Variants in WDR26 observed in about 807,000 individuals in gnomAD.
WDR26 encodes the protein WD repeat domain 26.
In WDR26, 5 loss-of-function variants were observed where a neutral mutation model predicts 84.1. That is an observed-to-expected ratio of 0.06 (90% confidence interval 0.03 to 0.13). The LOEUF (loss-of-function observed/expected upper bound fraction) is 0.13, where lower values mean the gene tolerates loss of function less well. Ranked by LOEUF, WDR26 falls within the 10% of genes least tolerant of loss-of-function variation. The pLI is 1.00. For synonymous variants in WDR26, 415 were observed against 389.6 expected (o/e 1.07, Z -0.77); for missense variants, 642 against 974.9 (o/e 0.66, Z 4.55).
At chr1:224,425,138 A>G (rs901300503) in intron 3 of WDR26, among the ~76,000 whole-genome samples, 1 of 152,248 alleles carries the variant, frequency 6.6e-6, no homozygotes, top group Non-Finnish European at 1.5e-5. Context: ...GAATAAGTAG[A>G]CCAGAAATCA....
Position 224,424,588 on chromosome 1 carries a change from C to T in WDR26, c.994G>A (p.Ala332Thr). ...AATTCACAGCGTAGAACTTGAAGTG[C>T]CTCCAGGACCTTGCCATCCTCCAGG... Residue 332 changes from alanine (A) to threonine (T), a missense_variant, in exon 4 of 14, where the codon GCA becomes ACA. Physicochemically the swap from Ala to Thr is moderately conservative, Grantham distance 58 (BLOSUM62 0). Transcript: ENST00000414423. 1 of 1,614,126 alleles carries T rather than the reference C, an allele frequency of 6.2e-7. No homozygotes were observed. Among genetic ancestry groups the T allele is most frequent in the South Asian group, 1.1e-5 (1 of 91,078 alleles).
intron 7 of WDR26, among the ~76,000 whole-genome samples, chr1:224,407,496 T>C (rs1294862470): frequency 1.3e-5 from 2 of 149,028 alleles, no homozygotes; most frequent in South Asian, 2.1e-4. Context: ...CATATATATA[T>C]ATATACATAT....
chr1:224,434,433 G>A lies in WDR26; in HGVS notation c.-28C>T, dbSNP rs1426680093. On this transcript the variant is annotated 5_prime_UTR_variant, in exon 1 of 14. Coordinates refer to ENST00000414423, the MANE Select transcript of WDR26 (RefSeq NM_001379403.1). ...TGGGAAGCCGGTGGGGCGAGGCGGG[G>A]GAGGGGAGGCGGGGGCCGGGGAGAG... 4.9e-6 allele frequency: 5 copies of A among 1,015,170 alleles called. No individual in the cohort carries two copies. The highest frequency in any genetic ancestry group is 5.9e-6 in the Non-Finnish European group (5 of 847,062). The allele number at this position is 1,015,170 out of a possible 1,614,324, so 62.9% of individuals were successfully genotyped here.
At chr1:224,401,702 G>GAAAAAAAAAA (rs5781368) in intron 8 of WDR26, among the ~76,000 whole-genome samples, 5 of 97,758 alleles carry the variant, frequency 5.1e-5, no homozygotes, top group African/African-American at 1.2e-4. Context: ...AAAAAAAAAA[G>GAAAAAAAAAA]AAAAAAGAAA....
rs1460182546 is a variant in WDR26 at position 224,401,709 on chromosome 1, G to GA, written c.1600-641dup. The stretch of plus-strand genomic sequence containing the variant: ...AAAAAAGAAAAAAAAAAAGAAAAAA[G>GA]AAAAAAAAAGAGAAAAACTATGCCC... On this transcript the variant is annotated intron_variant, in intron 8 of 13. Coordinates refer to ENST00000414423, the MANE Select transcript of WDR26 (RefSeq NM_001379403.1). Among the ~76,000 whole-genome samples the GA allele has an allele frequency of 1.3e-3, 127 of 95,038 alleles. 1 individual carries two copies. Among genetic ancestry groups the GA allele is most frequent in the Middle Eastern group, 0.012 (2 of 170 alleles). The allele number at this position is 95,038 out of a possible 152,430, so 62.3% of individuals were successfully genotyped here.
At chr1:224,403,985 TAAGTACTGAA>T (rs1162883123) in intron 8 of WDR26, among the ~76,000 whole-genome samples, 3 of 152,126 alleles carry the variant, frequency 2.0e-5, no homozygotes, top group Non-Finnish European at 4.4e-5. Flanking sequence ...CCCTTAGGAA[TAAGTACTGAA>T]AACATCAGTT....
chr1:224,398,397 T>G, intron 11 of WDR26, 118 bp downstream of exon 11: 5 of 1,207,950 alleles, frequency 4.1e-6, no homozygotes, highest in Non-Finnish European at 5.7e-6. Context: ...ATCAATCACA[T>G]GCAATCAAAT....
intron 8 of WDR26, among the ~76,000 whole-genome samples, chr1:224,401,695 AAAAAAAG>A (rs1673423344): frequency 1.2e-4 from 12 of 104,086 alleles, no homozygotes; most frequent in African/African-American, 1.9e-4. Context: ...AAAAAGAAAA[AAAAAAAG>A]AAAAAAGAAA....
intron 6 of WDR26, 103 bp from the exon 7 acceptor site, chr1:224,411,668 T>A: frequency 8.1e-7 from 1 of 1,239,496 alleles, no homozygotes; most frequent in Non-Finnish European, 1.1e-6. Flanking sequence ...ATCACATCAC[T>A]AACTTTAAAA....
intron 7 of WDR26, among the ~76,000 whole-genome samples, chr1:224,405,769 T>C (rs987148488): frequency 6.6e-6 from 1 of 152,234 alleles, no homozygotes; most frequent in African/African-American, 2.4e-5. Flanking sequence ...AGTGCAAATG[T>C]AGACGTGGCA....
At chr1:224,402,893 T>C (rs1278195344) in intron 8 of WDR26, among the ~76,000 whole-genome samples, 1 of 152,166 alleles carries the variant, frequency 6.6e-6, no homozygotes, top group Non-Finnish European at 1.5e-5. Flanking sequence ...TGATCATGAG[T>C]ACTAGATATT....
At chr1:224,426,664 T>C (rs571392643) in intron 3 of WDR26, among the ~76,000 whole-genome samples, 16 of 137,636 alleles carry the variant, frequency 1.2e-4, no homozygotes, top group African/African-American at 3.7e-4. Flanking sequence ...AACTAAACAA[T>C]GCAAAAAAAA....
chr1:224,399,524 A>T (rs1446831959), intron 9 of WDR26, among the ~76,000 whole-genome samples: 1 of 152,222 alleles, frequency 6.6e-6, no homozygotes, highest in Non-Finnish European at 1.5e-5. Context: ...TCTACAGATC[A>T]AAGCTCTTAT....
intron 6 of WDR26, 97 bp from the exon 7 acceptor site, chr1:224,411,662 C>A: frequency 1.6e-6 from 2 of 1,286,354 alleles, no homozygotes; most frequent in South Asian, 1.7e-5. Context: ...TTGAAGATCA[C>A]ATCACTAACT....
At chr1:224,401,589 A>AC (rs1297660183) in intron 8 of WDR26, among the ~76,000 whole-genome samples, 1 of 146,768 alleles carries the variant, frequency 6.8e-6, no homozygotes, top group Admixed American at 7.1e-5. Context: ...CACGAGAATC[A>AC]CTTGAACCCA....
intron 4 of WDR26, among the ~76,000 whole-genome samples, chr1:224,424,148 TA>T (rs1232004792): frequency 3.3e-5 from 5 of 152,228 alleles, no homozygotes; most frequent in African/African-American, 1.2e-4. Context: ...AGTATTCACT[TA>T]AAAAAGTTAG....
intron 3 of WDR26, among the ~76,000 whole-genome samples, chr1:224,428,780 C>T (rs866873053): frequency 1.3e-4 from 19 of 151,490 alleles, no homozygotes; most frequent in Middle Eastern, 6.8e-3. Context: ...GTGATGGACA[C>T]CTGTAATTCC....
At chr1:224,401,573 C>CT (rs1201914707) in intron 8 of WDR26, among the ~76,000 whole-genome samples, 1 of 146,446 alleles carries the variant, frequency 6.8e-6, no homozygotes, top group East Asian at 2.0e-4. Context: ...ATTCAAGAGG[C>CT]TTAGGCACGA....
chr1:224,395,492 T>C (rs1042153804), intron 12 of WDR26, among the ~76,000 whole-genome samples: 32 of 152,108 alleles, frequency 2.1e-4, no homozygotes, highest in Non-Finnish European at 3.7e-4. Flanking sequence ...TGTGTGTGTA[T>C]GTGTGAAGCA....
Sources: allele counts gnomAD v4.1 joint callset (sites outside exome capture counted in the v4.1 genomes callset), GRCh38; gene constraint gnomAD v4.1.1; transcripts MANE v1.5; gene names NCBI Gene and HGNC (gene_info 2026-07-23, HGNC 2026-07-21).